The following CYP3A5 variants were observed in gnomAD, a reference collection of about 807,000 sequenced individuals.
CYP3A5 encodes the protein cytochrome P450 family 3 subfamily A member 5.
Under a neutral mutation model 55.9 loss-of-function variants are expected in CYP3A5, and 51 were observed. The observed-to-expected ratio is 0.91, with a 90% confidence interval of 0.73 to 1.15. The LOEUF (loss-of-function observed/expected upper bound fraction) is 1.15. CYP3A5 is among the 50% of genes most tolerant of loss of function. CYP3A5 has a pLI of 0.00. For missense variants in CYP3A5, 533 were observed against 596.6 expected (o/e 0.89, Z 1.11); for synonymous variants, 196 against 213.9 (o/e 0.92, Z 0.73).
chr7:99,676,255 G>T, intron 1 of CYP3A5, 47 bp from the exon 2 acceptor site: 1 of 1,610,834 alleles, frequency 6.2e-7, no homozygotes, highest in Non-Finnish European at 8.5e-7. Flanking sequence ...TGACTTTATA[G>T]ATCAGAGGGC....
chr7:99,676,627 T>G, intron 1 of CYP3A5: 1 of 1,137,088 alleles, frequency 8.8e-7, no homozygotes, highest in Non-Finnish European at 1.2e-6. Flanking sequence ...ATGATGAGAT[T>G]TTGCATCACT....
At chr7:99,677,173 T>C (rs1297862976) in intron 1 of CYP3A5, 5 of 985,276 alleles carry the variant, frequency 5.1e-6, no homozygotes, top group African/African-American at 1.7e-5. Context: ...ATGTGCAAAC[T>C]CCTCCAACTG....
intron 10 of CYP3A5, among the ~76,000 whole-genome samples, chr7:99,654,148 G>A (rs1809473271): frequency 6.6e-6 from 1 of 151,970 alleles, no homozygotes; most frequent in African/African-American, 2.4e-5. Context: ...TGTTACATAT[G>A]TATACCTATG....
chr7:99,667,883 C>T (rs1439096584), intron 4 of CYP3A5, among the ~76,000 whole-genome samples: 1 of 152,002 alleles, frequency 6.6e-6, no homozygotes, highest in South Asian at 2.1e-4. Context: ...TCAAGAAGAA[C>T]TAAAAAATGC....
chr7:99,673,486 G>A (rs1410650945), intron 3 of CYP3A5, among the ~76,000 whole-genome samples: 2 of 152,168 alleles, frequency 1.3e-5, no homozygotes, highest in Non-Finnish European at 2.9e-5. Flanking sequence ...AAGTGCAATG[G>A]TATAAACCAA....
chr7:99,675,193 G>A (rs1812096807), intron 2 of CYP3A5, among the ~76,000 whole-genome samples: 1 of 152,156 alleles, frequency 6.6e-6, no homozygotes, highest in Non-Finnish European at 1.5e-5. Flanking sequence ...ATGGAGAAAT[G>A]CCACCTCTAC....
At chr7:99,673,067 G>C (rs1344448257) in intron 3 of CYP3A5, 5 of 222,102 alleles carry the variant, frequency 2.3e-5, no homozygotes, top group Non-Finnish European at 3.1e-5. Flanking sequence ...AAGAATATTA[G>C]GTCAGTGAAA....
chr7:99,652,844 C>A (rs1485172827), intron 10 of CYP3A5, 65 bp from the exon 11 acceptor site: 1 of 1,234,106 alleles, frequency 8.1e-7, no homozygotes, highest in Non-Finnish European at 1.2e-6. Flanking sequence ...TGAGTCCATG[C>A]AGTACTATTG....
At position 99,653,958 on chromosome 7, in the gene CYP3A5, C is replaced by T. The variant is rs991534529; in HGVS notation, c.1027-1179G>A. Among the ~76,000 whole-genome samples, 3 of 152,290 alleles carry T rather than the reference C, an allele frequency of 2.0e-5. No homozygotes were observed. The highest frequency in any genetic ancestry group is 1.9e-4 in the East Asian group (1 of 5,182). On this transcript the variant is annotated intron_variant, in intron 10 of 12. Coordinates refer to ENST00000222982, the MANE Select transcript of CYP3A5 (RefSeq NM_000777.5). This position sits in a 1 kb window ranked among gnomAD's most constrained non-coding sequence, Gnocchi z 4.2. Reference sequence around the variant, plus strand: ...GGGAGAGCTGAGTCAGCCTCCATCGCGCCCCCAGGGCCAGGCTACCTCAGA... The same window carrying T: ...GGGAGAGCTGAGTCAGCCTCCATCGTGCCCCCAGGGCCAGGCTACCTCAGA...
chr7:99,660,213 CCTTTT>C, intron 10 of CYP3A5: 1 of 653,722 alleles, frequency 1.5e-6, no homozygotes, highest in Non-Finnish European at 1.8e-6. Context: ...TCGCCACACT[CCTTTT>C]TTTTTTTTTT....
chr7:99,668,865 A>G (rs567402951), intron 4 of CYP3A5, among the ~76,000 whole-genome samples: 6 of 152,338 alleles, frequency 3.9e-5, no homozygotes, highest in Admixed American at 2.0e-4. Flanking sequence ...TTGAATTGAC[A>G]CTGTCAGGTA....
At chr7:99,658,048 G>T (rs959907020) in intron 10 of CYP3A5, among the ~76,000 whole-genome samples, 8 of 152,134 alleles carry the variant, frequency 5.3e-5, no homozygotes, top group African/African-American at 1.7e-4. Context: ...TTGCCAGTCT[G>T]TGTCTTTTAA....
At position 99,662,757 on chromosome 7, in the gene CYP3A5, A is replaced by G; in HGVS notation, c.865+59T>C. 1.3e-6 allele frequency: 2 copies of G among 1,498,310 alleles called. No individual in the cohort carries two copies. Among genetic ancestry groups the G allele is most frequent in the South Asian group, 1.1e-5 (1 of 88,072 alleles). The allele number at this position is 1,498,310 out of a possible 1,614,324, so 92.8% of individuals were successfully genotyped here. ...TGGAATACTTCCTGCACATTTTCAG[A>G]ACAAGGCCCTCCCTCTTAGTGTCCC... is the stretch of plus-strand genomic sequence containing the variant. On this transcript the variant is annotated intron_variant, in intron 9 of 12. Coordinates refer to ENST00000222982, the MANE Select transcript of CYP3A5 (RefSeq NM_000777.5). This position sits in a 1 kb window ranked among gnomAD's most constrained non-coding sequence, Gnocchi z 4.3.
intron 1 of CYP3A5, among the ~76,000 whole-genome samples, chr7:99,676,889 T>G (rs1322186243): frequency 6.6e-6 from 1 of 152,162 alleles, no homozygotes; most frequent in East Asian, 1.9e-4. Flanking sequence ...CACCTCAGTC[T>G]CTGTGGTCAG....
intron 1 of CYP3A5, chr7:99,676,670 C>T: frequency 4.4e-6 from 3 of 680,784 alleles, no homozygotes; most frequent in Non-Finnish European, 7.3e-6. Flanking sequence ...TCACTGGGAG[C>T]CTATGGTGAC....
Position 99,662,785 on chromosome 7 carries a change from C to A in CYP3A5, c.865+31G>T. ...AAGGCCCTCCCTCTTAGTGTCCCCG[C>A]CAGTAGCCCTCAGAAGCACTCCTTG... On this transcript the variant is annotated intron_variant, in intron 9 of 12. Transcript: ENST00000222982. The surrounding 1 kb of genome is among the most constrained non-coding windows in gnomAD (Gnocchi z 4.3). The A allele has an allele frequency of 6.3e-7, 1 of 1,597,546 alleles. No individual in the cohort carries two copies. Among genetic ancestry groups the A allele is most frequent in the Non-Finnish European group, 8.6e-7 (1 of 1,165,452 alleles).
rs2151364432 is a variant in CYP3A5 at position 99,652,610 on chromosome 7, T to C, written c.1196A>G (p.Tyr399Cys). Residue 399 changes from tyrosine to cysteine, a missense_variant, in exon 11 of 13, where the codon TAT (tyrosine) becomes TGT (cysteine). Transcript: ENST00000222982. Reference sequence around the variant, plus strand: ...GTACTTTGGGTCATGGTGAAGAGCATAAGTTGGAATCACCACCATTGACCC... The same window carrying C: ...GTACTTTGGGTCATGGTGAAGAGCACAAGTTGGAATCACCACCATTGACCC... ...PKGSMVVIPTYALHHDPKYWT... is the reference protein window; with the variant it reads ...PKGSMVVIPTCALHHDPKYWT... The C allele has an allele frequency of 6.2e-7, 1 of 1,614,068 alleles. No individual in the cohort carries two copies. Among genetic ancestry groups the C allele is most frequent in the African/African-American group, 1.3e-5 (1 of 75,028 alleles).
At chr7:99,651,334 A>G (rs1397703937) in intron 11 of CYP3A5, among the ~76,000 whole-genome samples, 1 of 152,234 alleles carries the variant, frequency 6.6e-6, no homozygotes, top group African/African-American at 2.4e-5. Context: ...ATGGATTTAT[A>G]TAAATCATAT....
At chr7:99,678,558 T>C (rs1293606468) in intron 1 of CYP3A5, among the ~76,000 whole-genome samples, 1 of 152,184 alleles carries the variant, frequency 6.6e-6, no homozygotes, top group Non-Finnish European at 1.5e-5. Flanking sequence ...ATTCCTGACA[T>C]TCAGGAAAGG....
Sources: allele counts gnomAD v4.1 joint callset (sites outside exome capture counted in the v4.1 genomes callset), GRCh38; gene constraint gnomAD v4.1.1; non-coding constraint Gnocchi (gnomAD v3.1); transcripts MANE v1.5; gene names NCBI Gene and HGNC (gene_info 2026-07-23, HGNC 2026-07-21).